The following PRRC2A variants were observed in gnomAD, a reference collection of about 807,000 sequenced individuals.
PRRC2A encodes proline rich coiled-coil 2A.
PRRC2A carries 59 observed loss-of-function variants against 224.6 expected under a neutral mutation model. That is an observed-to-expected ratio of 0.26 (90% CI 0.21 to 0.33). The LOEUF (loss-of-function observed/expected upper bound fraction) is 0.33, where lower values mean the gene tolerates loss of function less well. Among genes scored for constraint, PRRC2A ranks in the 10% least tolerant of loss-of-function variants. PRRC2A has a pLI of 1.00. For synonymous variants in PRRC2A, 1,194 were observed against 1,109.5 expected (o/e 1.08, Z -1.51); for missense variants, 3,095 against 2,880.7 (o/e 1.07, Z -1.70).
In PRRC2A at chr6:31,631,647, G is replaced by T. The variant is rs762498497; in HGVS notation, c.2974G>T (p.Gly992Trp). 1.3e-6 allele frequency: 2 copies of T among 1,517,162 alleles called. No homozygotes were observed. 94.0% of individuals were successfully genotyped at this position (1,517,162 alleles called of 1,614,324 possible). ...ACTCAAGATAACCAAGGGGAAGCTA[G>T]GGGGCCCCAAGGAGACCCCACCCAA... ...DPLKITKGKL[G>W]GPKETPPNGN... Residue 992 changes from glycine (G) to tryptophan (W), a missense_variant, in exon 16 of 31, where the codon GGG becomes TGG. Coordinates refer to ENST00000376033, the MANE Select transcript of PRRC2A (RefSeq NM_004638.4). The surrounding 1 kb of genome is among the most constrained non-coding windows in gnomAD (Gnocchi z 4.5).
intron 1 of PRRC2A, among the ~76,000 whole-genome samples, chr6:31,621,354 C>T (rs542259472): frequency 2.0e-4 from 31 of 152,172 alleles, no homozygotes; most frequent in Non-Finnish European, 3.7e-4. Flanking sequence ...TGCTTTTATC[C>T]CAGCATCTTT....
chr6:31,621,275 A>G (rs375429883), intron 1 of PRRC2A, among the ~76,000 whole-genome samples: 7 of 147,938 alleles, frequency 4.7e-5, no homozygotes, highest in African/African-American at 1.8e-4. Flanking sequence ...ACCCCCTCCT[A>G]TCATCCAGCG....
chr6:31,623,192 A>G, intron 2 of PRRC2A: 1 of 702,964 alleles, frequency 1.4e-6, no homozygotes, highest in Non-Finnish European at 2.6e-6. Context: ...CAGGCTCATG[A>G]TCAACCAATC....
At position 31,629,217 on chromosome 6, in the gene PRRC2A, T is replaced by C; in HGVS notation, c.1839T>C (p.Val613=). Reference sequence around the variant, plus strand: ...TTCCTCCTCCTACCACACCCCCAGTTCCAAAGGTGGAACCCAAGGGTGATG... The same window carrying C: ...TTCCTCCTCCTACCACACCCCCAGTCCCAAAGGTGGAACCCAAGGGTGATG... ...EEVPPPTTPP[V]PKVEPKGDGI... is the part of the protein sequence containing the mutation. The change falls in exon 13 of 31, where the codon GTT becomes GTC. Residue 613 remains valine (V), a synonymous_variant. Coordinates refer to ENST00000376033, the MANE Select transcript of PRRC2A (RefSeq NM_004638.4). The C allele has an allele frequency of 6.2e-7, 1 of 1,614,054 alleles. No individual in the cohort carries two copies. Among genetic ancestry groups the C allele is most frequent in the Non-Finnish European group, 8.5e-7 (1 of 1,179,988 alleles).
rs753996621 is a variant in PRRC2A, at chr6:31,636,260, C to T, written c.5676C>T (p.Leu1892=). The T allele has an allele frequency of 4.3e-6, 7 of 1,612,902 alleles. No individual in the cohort carries two copies. In the African/African-American group the frequency reaches 6.7e-5, roughly 15 times the overall value. Residue 1892 remains leucine (L), a synonymous_variant, in exon 26 of 31, where the codon CTC becomes CTT. Transcript: ENST00000376033. This position sits in a 1 kb window ranked among gnomAD's most constrained non-coding sequence, Gnocchi z 4.3. ...GCCCAGCCCCTCCCTCAGCACTGCTCTCTGGGTTAGCTCTCAAGGGCCAGT... is the reference window on the plus strand; with the variant it reads ...GCCCAGCCCCTCCCTCAGCACTGCTTTCTGGGTTAGCTCTCAAGGGCCAGT... ...PPGPAPPSAL[L]SGLALKGQFL...
chr6:31,637,100 G>T lies in PRRC2A; in HGVS notation c.6206G>T (p.Gly2069Val), dbSNP rs757402250. The part of the protein sequence containing the change: ...QDYQKLSSNL[G>V]GPGSSRTPPT... ...TATCAAAAACTGAGCAGCAACCTTG[G>T]GGGACCTGGATCATCACGGACTCCC... The change falls in exon 29 of 31, where the codon GGG becomes GTG. Residue 2069 changes from glycine to valine, a missense_variant. Physicochemically the swap from Gly to Val is moderately radical, Grantham distance 109. Coordinates refer to ENST00000376033, the MANE Select transcript of PRRC2A (RefSeq NM_004638.4). 2 of 1,611,082 alleles carry T rather than the reference G, an allele frequency of 1.2e-6. No individual in the cohort carries two copies. The highest frequency in any genetic ancestry group is 1.7e-6 in the Non-Finnish European group (2 of 1,178,976).
rs1561828253 is a variant in PRRC2A at position 31,632,577 on chromosome 6, G to A, written c.3904G>A (p.Ala1302Thr). ...CACAGTGGCCCCAGCACCTCGCCGG[G>A]CAGCTGCCAAGTCTCCTGATCTGTC... ...TVTVAPAPRRAAAKSPDLSNQ... is the reference protein window; with the variant it reads ...TVTVAPAPRRTAAKSPDLSNQ... Residue 1302 changes from alanine (A) to threonine (T), a missense_variant, in exon 16 of 31, where the codon GCA becomes ACA. Around this residue, in one of 8 missense-constraint regions of PRRC2A, gnomAD observed 2,001 missense variants for 1,764.9 expected, o/e 1.13. Coordinates refer to ENST00000376033, the MANE Select transcript of PRRC2A (RefSeq NM_004638.4). The A allele has an allele frequency of 2.5e-6, 4 of 1,612,848 alleles. No homozygotes were observed. The highest frequency in any genetic ancestry group is 3.4e-6 in the Non-Finnish European group (4 of 1,179,866).
At chr6:31,628,371 G>C in intron 12 of PRRC2A, 132 bp downstream of exon 12, 1 of 1,389,466 alleles carries the variant, frequency 7.2e-7, no homozygotes, top group Non-Finnish European at 9.5e-7. Flanking sequence ...ATCAGTGATA[G>C]TGTTCTATCA....
rs752390191 is a variant in PRRC2A at position 31,625,113 on chromosome 6, T to G, written c.464-58T>G. 1.1e-5 allele frequency: 18 copies of G among 1,568,710 alleles called. No individual in the cohort carries two copies. The highest frequency in any genetic ancestry group is 3.4e-4 in the Middle Eastern group (2 of 5,900). On this transcript the variant is annotated intron_variant, in intron 5 of 30. Transcript: ENST00000376033. This position sits in a 1 kb window ranked among gnomAD's most constrained non-coding sequence, Gnocchi z 4.1. The stretch of plus-strand genomic sequence containing the variant: ...GCGCCCAGCCAGAGTCTTCCACTTT[T>G]ATAGCATGTCCTCAGGAAATGTCTT...
At chr6:31,622,458 A>G (rs1487123609) in intron 1 of PRRC2A, among the ~76,000 whole-genome samples, 1 of 152,152 alleles carries the variant, frequency 6.6e-6, no homozygotes, top group Non-Finnish European at 1.5e-5. Context: ...CAAAGGGCAG[A>G]GTGTTTATAC....
At position 31,632,041 on chromosome 6, in the gene PRRC2A, A is replaced by G. The variant is rs1392775488; in HGVS notation, c.3368A>G (p.Glu1123Gly). ...AGTGATCTGGCTCCTTCAGACAAGG[A>G]GGCTCCCACACCCAAGGAGGGAACA... ...HESDLAPSDK[E>G]APTPKEGTLT... The change falls in exon 16 of 31, where the codon GAG becomes GGG. Residue 1123 changes from glutamate to glycine, a missense_variant. Around this residue, in one of 8 missense-constraint regions of PRRC2A, gnomAD observed 2,001 missense variants for 1,764.9 expected, o/e 1.13. Coordinates refer to ENST00000376033, the MANE Select transcript of PRRC2A (RefSeq NM_004638.4). 3 of 1,590,786 alleles carry G rather than the reference A, an allele frequency of 1.9e-6. No homozygotes were observed. In the South Asian group the frequency reaches 3.4e-5, roughly 18 times the overall value.
rs779251241 is a variant in PRRC2A at position 31,625,389 on chromosome 6, C to A, written c.608-71C>A. ...AGGTGCTGGCTTATTCACCTTCCTC[C>A]CCATCACTTTCAGCTGTGTTCACTT... On this transcript the variant is annotated intron_variant, in intron 6 of 30. Transcript: ENST00000376033. This position sits in a 1 kb window ranked among gnomAD's most constrained non-coding sequence, Gnocchi z 4.1. 29 of 1,612,426 alleles carry A rather than the reference C, an allele frequency of 1.8e-5. No homozygotes were observed. Among genetic ancestry groups the A allele is most frequent in the Admixed American group, 1.7e-4 (10 of 60,002 alleles).
rs1396913657 is a variant in PRRC2A at position 31,631,239 on chromosome 6, C to T, written c.2566C>T (p.Leu856=). The T allele has an allele frequency of 2.5e-6, 4 of 1,611,832 alleles. No individual in the cohort carries two copies. Among genetic ancestry groups the T allele is most frequent in the Non-Finnish European group, 3.4e-6 (4 of 1,179,684 alleles). ...APGPPISRFP[L]EEPGPRPLPW... ...TGGGCCCCCAATCTCTCGCTTTCCT[C>T]TGGAGGAACCAGGGCCCCGTCCACT... The change falls in exon 16 of 31, where the codon CTG becomes TTG. Residue 856 remains leucine (L), a synonymous_variant. Transcript: ENST00000376033. The surrounding 1 kb of genome is among the most constrained non-coding windows in gnomAD (Gnocchi z 4.5).
rs45544132 is a variant in PRRC2A, at chr6:31,628,149, C to T, written c.1675C>T (p.Pro559Ser). 4,119 of 1,613,032 alleles carry T rather than the reference C, an allele frequency of 2.6e-3. 11 individuals are homozygous for T. Among genetic ancestry groups the T allele is most frequent in the Middle Eastern group, 0.013 (81 of 6,060 alleles). ...PAQAPPAQST[P>S]TPGVAAAPTL... ...ACAGGCCCCTCCTGCCCAATCTACT[C>T]CTACTCCAGGTGTGGCTGCGGCTCC... The change falls in exon 12 of 31, where the codon CCT becomes TCT. Residue 559 changes from proline to serine, a missense_variant. By Grantham distance (74) the Pro-to-Ser change is moderately conservative. Transcript: ENST00000376033.
In PRRC2A at chr6:31,627,737, G is replaced by A; in HGVS notation, c.1291-28G>A. On this transcript the variant is annotated intron_variant, in intron 11 of 30. Transcript: ENST00000376033. The surrounding 1 kb of genome is among the most constrained non-coding windows in gnomAD (Gnocchi z 5.6). Reference sequence around the variant, plus strand: ...AGAAAGCATAGTAACTGATTCCCCTGGCCCTGCTGGGTCTTGCCAATTGAC... The same window carrying A: ...AGAAAGCATAGTAACTGATTCCCCTAGCCCTGCTGGGTCTTGCCAATTGAC... 2 of 1,606,546 alleles carry A rather than the reference G, an allele frequency of 1.2e-6. No individual in the cohort carries two copies. Among genetic ancestry groups the A allele is most frequent in the South Asian group, 1.1e-5 (1 of 90,928 alleles).
At chr6:31,637,371 C>T (rs758723254) in intron 30 of PRRC2A, 47 bp downstream of exon 30, 36 of 1,601,438 alleles carry the variant, frequency 2.2e-5, no homozygotes, top group Non-Finnish European at 2.7e-5. Flanking sequence ...CGAGTTGCCA[C>T]CTGATTTCCT....
At position 31,625,346 on chromosome 6, in the gene PRRC2A, C is replaced by G; in HGVS notation, c.607+32C>G. On this transcript the variant is annotated intron_variant, in intron 6 of 30. Coordinates refer to ENST00000376033, the MANE Select transcript of PRRC2A (RefSeq NM_004638.4). The surrounding 1 kb of genome is among the most constrained non-coding windows in gnomAD (Gnocchi z 4.1). ...GGCTGCCTTTTGGCCAAGACATTAC[C>G]TATTGCATCTCAGAGCTAGGTGCTG... 6.2e-7 allele frequency: 1 copy of G among 1,614,168 alleles called. No homozygotes were observed. The highest frequency in any genetic ancestry group is 8.5e-7 in the Non-Finnish European group (1 of 1,180,036).
Position 31,632,986 on chromosome 6 carries a change from A to G in PRRC2A, c.4313A>G (p.Asn1438Ser), listed in dbSNP as rs753136519. 2 of 1,564,908 alleles carry G rather than the reference A, an allele frequency of 1.3e-6. No individual in the cohort carries two copies. The highest frequency in any genetic ancestry group is 1.7e-6 in the Non-Finnish European group (2 of 1,156,250). The change falls in exon 16 of 31, where the codon AAC becomes AGC. Residue 1438 changes from asparagine (N) to serine (S), a missense_variant. Asn to Ser is a conservative substitution (Grantham distance 46). Coordinates refer to ENST00000376033, the MANE Select transcript of PRRC2A (RefSeq NM_004638.4). The stretch of plus-strand genomic sequence containing the variant: ...AAGAGGAGCTGGCCCTCTCCCAAGA[A>G]CCGAAGGTGGGTAGGAACAAACAAA... ...GDKRSWPSPKNRSRPPEERPP... is the reference protein window; with the variant it reads ...GDKRSWPSPKSRSRPPEERPP...
At chr6:31,633,069 G>T (rs1302587069) in intron 16 of PRRC2A, 77 bp downstream of exon 16, 2 of 1,433,566 alleles carry the variant, frequency 1.4e-6, no homozygotes, top group South Asian at 1.5e-5. Flanking sequence ...AGATAAGTTT[G>T]GGTGGAGTGG....
Sources: allele counts gnomAD v4.1 joint callset (sites outside exome capture counted in the v4.1 genomes callset), GRCh38; gene constraint gnomAD v4.1.1; regional missense constraint gnomAD v4.1.1; non-coding constraint Gnocchi (gnomAD v3.1); transcripts MANE v1.5; gene names NCBI Gene and HGNC (gene_info 2026-07-23, HGNC 2026-07-21).